GPD2: variants seen among roughly 807,000 people sequenced by gnomAD.
GPD2 encodes the protein glycerol-3-phosphate dehydrogenase 2, also known as glycerol-3-phosphate dehydrogenase, mitochondrial.
A neutral mutation model predicts 82.4 loss-of-function variants in GPD2; 54 were observed. The ratio of observed to expected loss-of-function variants is 0.66; its 90% CI spans 0.53 to 0.82. The LOEUF (loss-of-function observed/expected upper bound fraction) is 0.82, where lower values mean the gene tolerates loss of function less well. Among genes scored for constraint, GPD2 ranks in the 40% least tolerant of loss-of-function variants. GPD2 has a pLI of 0.00. For synonymous variants in GPD2, 288 were observed against 306.1 expected, an observed-to-expected ratio of 0.94 and a Z score of 0.62; for missense variants, 748 against 896.2, an observed-to-expected ratio of 0.83 and a Z score of 2.11.
intron 1 of GPD2, among the ~76,000 whole-genome samples, chr2:156,457,128 T>C (rs1682814402): frequency 6.6e-6 from 1 of 152,204 alleles, no homozygotes; most frequent in South Asian, 2.1e-4. Flanking sequence ...ATTAGTATTT[T>C]TTCCTAAGGT....
chr2:156,570,983 A>G, intron 12 of GPD2, 151 bp from the exon 13 acceptor site: 1 of 655,194 alleles, frequency 1.5e-6, no homozygotes, highest in Non-Finnish European at 2.7e-6. Context: ...GTGTGATGCC[A>G]CTATTTGTCT....
At chr2:156,508,240 G>T (rs1314759485) in intron 3 of GPD2, among the ~76,000 whole-genome samples, 1 of 151,910 alleles carries the variant, frequency 6.6e-6, no homozygotes, top group East Asian at 1.9e-4. Flanking sequence ...CTCACCACCT[G>T]TTGACCAGGA....
At chr2:156,574,244 C>G (rs144994342) in intron 13 of GPD2, among the ~76,000 whole-genome samples, 1 of 151,872 alleles carries the variant, frequency 6.6e-6, no homozygotes, top group African/African-American at 2.4e-5. Flanking sequence ...AAATTGTGTT[C>G]TGCAGGGTAC....
At chr2:156,419,220 C>T in the GPD2 span, among the ~76,000 whole-genome samples, 1 of 152,004 alleles carries the variant, frequency 6.6e-6, no homozygotes, top group East Asian at 1.9e-4. Context: ...CCACCACGGC[C>T]GGCTAATTTT....
At chr2:156,423,483 A>G in the GPD2 span, among the ~76,000 whole-genome samples, 1 of 152,182 alleles carries the variant, frequency 6.6e-6, no homozygotes, top group Non-Finnish European at 1.5e-5. Flanking sequence ...AAAGGCATTT[A>G]TGGGATTTTT....
At chr2:156,443,761 C>T (rs192727972) in intron 1 of GPD2, among the ~76,000 whole-genome samples, 8 of 152,270 alleles carry the variant, frequency 5.3e-5, no homozygotes, top group African/African-American at 1.7e-4. Flanking sequence ...GGACTCAGCA[C>T]CTCTGTCAGG....
At chr2:156,518,971 A>G (rs1179484786) in intron 6 of GPD2, among the ~76,000 whole-genome samples, 1 of 152,210 alleles carries the variant, frequency 6.6e-6, no homozygotes, top group African/African-American at 2.4e-5. Flanking sequence ...ATAATCTCCA[A>G]AGTGAAAGAT....
chr2:156,489,861 C>A (rs1167920252), intron 2 of GPD2, among the ~76,000 whole-genome samples: 2 of 136,042 alleles, frequency 1.5e-5, no homozygotes, highest in Non-Finnish European at 3.2e-5. Flanking sequence ...TTCTTCCCTC[C>A]CTTCCTTCCT....
intron 9 of GPD2, among the ~76,000 whole-genome samples, chr2:156,568,612 T>C (rs546458404): frequency 6.6e-6 from 1 of 152,304 alleles, no homozygotes; most frequent in Non-Finnish European, 1.5e-5. Context: ...AGTTCTTTAC[T>C]TTTTCATGGA....
intron 2 of GPD2, among the ~76,000 whole-genome samples, chr2:156,487,840 C>T (rs1224751184): frequency 2.6e-5 from 4 of 152,204 alleles, no homozygotes; most frequent in African/African-American, 9.7e-5. Flanking sequence ...TCCCAAATCT[C>T]AGCTCATATA....
intron 6 of GPD2, among the ~76,000 whole-genome samples, 187 bp from the exon 7 acceptor site, chr2:156,549,421 C>T (rs904962327): frequency 3.9e-5 from 6 of 152,184 alleles, no homozygotes; most frequent in Non-Finnish European, 7.3e-5. Context: ...CTTGCTGAAG[C>T]GGCAGGTAGA....
rs114231314 is a variant in GPD2 at position 156,565,552 on chromosome 2, A to G, written c.1166-3273A>G. Among the ~76,000 whole-genome samples the G allele has an allele frequency of 2.5e-3, 386 of 152,240 alleles. 1 individual carries two copies. The highest frequency in any genetic ancestry group is 8.7e-3 in the African/African-American group (363 of 41,554). ...GTATTGTCTCCAGTTAGTAAGACTG[A>G]GAAGGCTTAGGCTTTCCTCGCCAGT... On this transcript the variant is annotated intron_variant, in intron 9 of 16. Transcript: ENST00000438166.
intron 6 of GPD2, among the ~76,000 whole-genome samples, chr2:156,521,645 A>G (rs1031660887): frequency 7.9e-5 from 12 of 152,216 alleles, no homozygotes; most frequent in African/African-American, 2.9e-4. Context: ...TTCTAGAAAA[A>G]CTTGCCAAAC....
intron 9 of GPD2, among the ~76,000 whole-genome samples, chr2:156,565,439 A>G (rs1305995313): frequency 6.6e-6 from 1 of 152,098 alleles, no homozygotes; most frequent in Non-Finnish European, 1.5e-5. Flanking sequence ...TCCCCATTCC[A>G]CAGAAGCCAT....
rs755644165 is a variant in GPD2, at chr2:156,514,639, A to T, written c.661+1143A>T. 7.2e-5 allele frequency among the ~76,000 whole-genome samples: 11 copies of T among 152,188 alleles called. 1 individual carries two copies. In the Middle Eastern group the frequency reaches 0.017, roughly 235 times the overall value. ...ATAAATGCAAAAAGTATATGTACAG[A>T]GAGGGAAAAGGGGACCAAACTCAAG... On this transcript the variant is annotated intron_variant, in intron 6 of 16. Transcript: ENST00000438166.
intron 9 of GPD2, among the ~76,000 whole-genome samples, chr2:156,562,427 A>G (rs1687208919): frequency 6.6e-6 from 1 of 152,166 alleles, no homozygotes. Context: ...TAAATGTAAT[A>G]TGGTATCTTA....
intron 1 of GPD2, among the ~76,000 whole-genome samples, chr2:156,469,894 T>A (rs1314916266): frequency 6.6e-6 from 1 of 152,160 alleles, no homozygotes; most frequent in Non-Finnish European, 1.5e-5. Flanking sequence ...ATGAAGGTGT[T>A]ACAGGAAGGG....
chr2:156,553,390 T>C (rs948512198), intron 8 of GPD2, among the ~76,000 whole-genome samples: 6 of 152,286 alleles, frequency 3.9e-5, no homozygotes, highest in Admixed American at 6.5e-5. Context: ...TTTATTTATA[T>C]TAAAACTTTA....
chr2:156,465,126 C>G (rs971492099), intron 1 of GPD2, among the ~76,000 whole-genome samples: 1 of 152,200 alleles, frequency 6.6e-6, no homozygotes. Flanking sequence ...GCTGGGATTA[C>G]AGGCATGAGC....
Sources: allele counts gnomAD v4.1 joint callset (sites outside exome capture counted in the v4.1 genomes callset), GRCh38; gene constraint gnomAD v4.1.1; transcripts MANE v1.5; gene names NCBI Gene and HGNC (gene_info 2026-07-23, HGNC 2026-07-21).